PPP1R3D: variants seen among roughly 807,000 people sequenced by gnomAD.
PPP1R3D encodes PP1 subunit R6.
Under a neutral mutation model 16.3 loss-of-function variants are expected in PPP1R3D, and 27 were observed. That is an observed-to-expected ratio of 1.66 (90% CI 1.22 to 2.29). The LOEUF is 2.29. Ranked by LOEUF, PPP1R3D falls within the 30% of genes most tolerant of loss-of-function variation. The pLI is 0.00. For synonymous variants in PPP1R3D, 223 were observed against 209.7 expected, an observed-to-expected ratio of 1.06 and a Z score of -0.55; for missense variants, 472 against 438.3, an observed-to-expected ratio of 1.08 and a Z score of -0.69.
At position 59,939,258 on chromosome 20, in the gene PPP1R3D, C is replaced by T; in HGVS notation, c.674G>A (p.Gly225Glu). Residue 225 changes from glycine (G) to glutamate (E), a missense_variant, in exon 1 of 1, where the codon GGG becomes GAG. Coordinates refer to ENST00000370996, the MANE Select transcript of PPP1R3D (RefSeq NM_006242.4). ...STHEAVARWR[G>E]PAGPEGTEDV... The stretch of plus-strand genomic sequence containing the variant: ...CTCCGTGCCCTCGGGGCCTGCGGGC[C>T]CGCGCCACCGCGCCACCGCCTCGTG... 1 of 1,610,868 alleles carries T rather than the reference C, an allele frequency of 6.2e-7. No homozygotes were observed. Among genetic ancestry groups the T allele is most frequent in the Non-Finnish European group, 8.5e-7 (1 of 1,178,604 alleles).
At position 59,936,867 on chromosome 20, in the gene PPP1R3D, G is replaced by A. The variant is rs1379250467; in HGVS notation, c.*2165C>T. The stretch of plus-strand genomic sequence containing the variant: ...CATATACTTTAATACTTAGGCTTGG[G>A]TAAAATCATTTTAAATAACATATTA... On this transcript the variant is annotated 3_prime_UTR_variant, in exon 1 of 1. Coordinates refer to ENST00000370996, the MANE Select transcript of PPP1R3D (RefSeq NM_006242.4). 1 of 152,330 alleles carries A rather than the reference G, an allele frequency of 6.6e-6. No individual in the cohort carries two copies. The highest frequency in any genetic ancestry group is 2.1e-4 in the South Asian group (1 of 4,836). 9.4% of individuals were successfully genotyped at this position (152,330 alleles called of 1,614,324 possible). A position where few individuals can be genotyped will look rare whatever the true frequency, so the allele number is the denominator to read the frequency against.
Position 59,938,879 on chromosome 20 carries a change from T to C in PPP1R3D, c.*153A>G, listed in dbSNP as rs1010883839. The C allele has an allele frequency of 9.1e-6, 6 of 659,136 alleles. No homozygotes were observed. The African/African-American group carries it at 9.2e-5, about 10-fold the overall frequency. The allele number at this position is 659,136 out of a possible 1,614,324, so 40.8% of individuals were successfully genotyped here. On this transcript the variant is annotated 3_prime_UTR_variant, in exon 1 of 1. Coordinates refer to ENST00000370996, the MANE Select transcript of PPP1R3D (RefSeq NM_006242.4). ...CAGACGTTTCAAGTAGAAGACAGGA[T>C]GGGCCACTGCCAGGGGACCTTGCAG...
rs1413573888 is a variant in PPP1R3D, at chr20:59,939,808, T to C, written c.124A>G (p.Arg42Gly). 6.5e-6 allele frequency: 8 copies of C among 1,233,538 alleles called. No individual in the cohort carries two copies. The highest frequency in any genetic ancestry group is 8.1e-6 in the Non-Finnish European group (8 of 989,322). The allele number at this position is 1,233,538 out of a possible 1,614,324, so 76.4% of individuals were successfully genotyped here. A position where few individuals can be genotyped will look rare whatever the true frequency, so the allele number is the denominator to read the frequency against. Residue 42 changes from arginine (R) to glycine (G), a missense_variant, in exon 1 of 1, where the codon AGG becomes GGG. Transcript: ENST00000370996. ...GCGCGGCCCGGGCTCCCAGGGGGCC[T>C]ACAGGCCCGCGGCTCCAGGGCCACG... ...GGVALEPRACRPPGSPGRAPP... is the reference protein window; with the variant it reads ...GGVALEPRACGPPGSPGRAPP...
Position 59,940,098 on chromosome 20 carries a change from G to C in PPP1R3D, c.-167C>G, listed in dbSNP as rs2060891411. 2.2e-6 allele frequency: 1 copy of C among 461,224 alleles called. No homozygotes were observed. 28.6% of individuals were successfully genotyped at this position (461,224 alleles called of 1,614,324 possible). On this transcript the variant is annotated 5_prime_UTR_variant, in exon 1 of 1. Coordinates refer to ENST00000370996, the MANE Select transcript of PPP1R3D (RefSeq NM_006242.4). ...CCCTTGGTTCGCCACCTTGCTCCTC[G>C]AGTCCTTGTCCAGGTCCTCCGCTTC...
rs1346831508 is a variant in PPP1R3D, at chr20:59,940,078, G to A, written c.-147C>T. The A allele has an allele frequency of 1.8e-6, 1 of 569,942 alleles. No homozygotes were observed. Among genetic ancestry groups the A allele is most frequent in the Non-Finnish European group, 2.7e-6 (1 of 371,386 alleles). 35.3% of individuals were successfully genotyped at this position (569,942 alleles called of 1,614,324 possible). ...CTCGGGCCCGGTGCGCCCTACCCTT[G>A]GTTCGCCACCTTGCTCCTCGAGTCC... On this transcript the variant is annotated 5_prime_UTR_variant, in exon 1 of 1. Transcript: ENST00000370996.
Position 59,936,870 on chromosome 20 carries a change from A to C in PPP1R3D, c.*2162T>G, listed in dbSNP as rs2060865753. 6.6e-6 allele frequency: 1 copy of C among 152,416 alleles called. No individual in the cohort carries two copies. 9.4% of individuals were successfully genotyped at this position (152,416 alleles called of 1,614,324 possible). On this transcript the variant is annotated 3_prime_UTR_variant, in exon 1 of 1. Transcript: ENST00000370996. ...ATACTTTAATACTTAGGCTTGGGTA[A>C]AATCATTTTAAATAACATATTAAAA...
At position 59,940,018 on chromosome 20, in the gene PPP1R3D, G is replaced by T; in HGVS notation, c.-87C>A. 8.8e-7 allele frequency: 1 copy of T among 1,136,828 alleles called. No homozygotes were observed. The highest frequency in any genetic ancestry group is 1.1e-6 in the Non-Finnish European group (1 of 889,682). The allele number at this position is 1,136,828 out of a possible 1,614,324, so 70.4% of individuals were successfully genotyped here. A position where few individuals can be genotyped will look rare whatever the true frequency, so the allele number is the denominator to read the frequency against. On this transcript the variant is annotated 5_prime_UTR_variant, in exon 1 of 1. The change creates a new upstream start codon in the 5' untranslated region. Coordinates refer to ENST00000370996, the MANE Select transcript of PPP1R3D (RefSeq NM_006242.4). ...GCTCCCTCCGTGCTCAGAAGCCGCA[G>T]AGAGTCCACCGTATCTGCAACCTGC...
rs921861681 is a variant in PPP1R3D at position 59,937,831 on chromosome 20, G to T, written c.*1201C>A. 9.2e-5 allele frequency: 14 copies of T among 152,526 alleles called. No homozygotes were observed. In the East Asian group the frequency reaches 1.7e-3, roughly 19 times the overall value. The allele number at this position is 152,526 out of a possible 1,614,324, so 9.4% of individuals were successfully genotyped here. ...TGGTTGACGGTTTAAAAACATAAAAGAATTTTATATTTTAAAACTGACAAA... is the reference window on the plus strand; with the variant it reads ...TGGTTGACGGTTTAAAAACATAAAATAATTTTATATTTTAAAACTGACAAA... On this transcript the variant is annotated 3_prime_UTR_variant, in exon 1 of 1. Transcript: ENST00000370996.
At position 59,938,231 on chromosome 20, in the gene PPP1R3D, C is replaced by T. The variant is rs2060873532; in HGVS notation, c.*801G>A. The stretch of plus-strand genomic sequence containing the variant: ...TTAAACAGAATGGCCTGATAATGAT[C>T]AAACATGTACAGAGAAATACATGAA... On this transcript the variant is annotated 3_prime_UTR_variant, in exon 1 of 1. Coordinates refer to ENST00000370996, the MANE Select transcript of PPP1R3D (RefSeq NM_006242.4). 1 of 152,222 alleles carries T rather than the reference C, an allele frequency of 6.6e-6. No individual in the cohort carries two copies. Among genetic ancestry groups the T allele is most frequent in the Non-Finnish European group, 1.5e-5 (1 of 68,040 alleles). 9.4% of individuals were successfully genotyped at this position (152,222 alleles called of 1,614,324 possible).
rs1009464717 is a variant in PPP1R3D at position 59,940,095 on chromosome 20, C to T, written c.-164G>A. On this transcript the variant is annotated 5_prime_UTR_variant, in exon 1 of 1. Transcript: ENST00000370996. ...CTACCCTTGGTTCGCCACCTTGCTC[C>T]TCGAGTCCTTGTCCAGGTCCTCCGC... 1.9e-5 allele frequency: 9 copies of T among 467,652 alleles called. No individual in the cohort carries two copies. The highest frequency in any genetic ancestry group is 1.2e-4 in the African/African-American group (6 of 49,556). 29.0% of individuals were successfully genotyped at this position (467,652 alleles called of 1,614,324 possible). A position where few individuals can be genotyped will look rare whatever the true frequency, so the allele number is the denominator to read the frequency against.
In PPP1R3D at chr20:59,939,529, G is replaced by A; in HGVS notation, c.403C>T (p.Leu135Phe). 6.2e-7 allele frequency: 1 copy of A among 1,612,006 alleles called. No individual in the cohort carries two copies. Among genetic ancestry groups the A allele is most frequent in the Non-Finnish European group, 8.5e-7 (1 of 1,179,610 alleles). Residue 135 changes from leucine to phenylalanine, a missense_variant, in exon 1 of 1, where the codon CTC (leucine) becomes TTC (phenylalanine). By Grantham distance (22) the Leu-to-Phe change is conservative (BLOSUM62 0). Coordinates refer to ENST00000370996, the MANE Select transcript of PPP1R3D (RefSeq NM_006242.4). ...CAGCACAGGTCCGAGTTGATTGCGA[G>A]CCGCGACAGCACGTGCAGCGGCACG... is the stretch of plus-strand genomic sequence containing the variant. Reference protein sequence around the residue: ...PSVPLHVLSRLAINSDLCCSS... With the variant: ...PSVPLHVLSRFAINSDLCCSS...
rs1316415092 is a variant in PPP1R3D at position 59,937,377 on chromosome 20, T to C, written c.*1655A>G. 1.3e-5 allele frequency: 2 copies of C among 152,654 alleles called. No homozygotes were observed. The highest frequency in any genetic ancestry group is 4.8e-5 in the African/African-American group (2 of 41,458). The allele number at this position is 152,654 out of a possible 1,614,324, so 9.5% of individuals were successfully genotyped here. On this transcript the variant is annotated 3_prime_UTR_variant, in exon 1 of 1. Transcript: ENST00000370996. ...AGTGAACAGTGCTAATAGCCAGAGA[T>C]TGTGCAATTTAGTCACAATATTTCA...
chr20:59,939,755 G>T lies in PPP1R3D; in HGVS notation c.177C>A (p.Gly59=), dbSNP rs1278447264. 8.2e-7 allele frequency: 1 copy of T among 1,224,482 alleles called. No homozygotes were observed. The highest frequency in any genetic ancestry group is 1.0e-6 in the Non-Finnish European group (1 of 983,914). The allele number at this position is 1,224,482 out of a possible 1,614,324, so 75.9% of individuals were successfully genotyped here. Residue 59 remains glycine, a synonymous_variant, in exon 1 of 1, where the codon GGC becomes GGA. Coordinates refer to ENST00000370996, the MANE Select transcript of PPP1R3D (RefSeq NM_006242.4). ...TGATGGGCCGCAGGCGGGGGTCGCA[G>T]CCCGACGGCGCTGGCGTTGGCGGCG... ...RAPPPTPAPS[G]CDPRLRPIIL...
chr20:59,939,015 G>A lies in PPP1R3D; in HGVS notation c.*17C>T, dbSNP rs371149280. 6 of 1,493,102 alleles carry A rather than the reference G, an allele frequency of 4.0e-6. No homozygotes were observed. In the African/African-American group the frequency reaches 4.2e-5, roughly 10 times the overall value. The allele number at this position is 1,493,102 out of a possible 1,614,324, so 92.5% of individuals were successfully genotyped here. On this transcript the variant is annotated 3_prime_UTR_variant, in exon 1 of 1. Coordinates refer to ENST00000370996, the MANE Select transcript of PPP1R3D (RefSeq NM_006242.4). ...AGCTTAGGTGTGGAGGCTCCAGGTG[G>A]CCGGTCCCCGCGCGGCTCAGATGAA...
At position 59,939,585 on chromosome 20, in the gene PPP1R3D, A is replaced by C. The variant is rs1032205816; in HGVS notation, c.347T>G (p.Val116Gly). 23 of 1,607,806 alleles carry C rather than the reference A, an allele frequency of 1.4e-5. No homozygotes were observed. The highest frequency in any genetic ancestry group is 4.0e-5 in the African/African-American group (3 of 74,716). The change falls in exon 1 of 1, where the codon GTC becomes GGC. Residue 116 changes from valine (V) to glycine (G), a missense_variant. Physicochemically the swap from Val to Gly is moderately radical, Grantham distance 109. Coordinates refer to ENST00000370996, the MANE Select transcript of PPP1R3D (RefSeq NM_006242.4). ...ADALGLELAQ[V>G]KVFNAGDDPS... ...GTCGTCTCCCGCGTTGAACACCTTG[A>C]CCTGTGCCAGCTCCAAGCCCAGGGC...
At position 59,940,021 on chromosome 20, in the gene PPP1R3D, A is replaced by G; in HGVS notation, c.-90T>C. On this transcript the variant is annotated 5_prime_UTR_variant, in exon 1 of 1. Transcript: ENST00000370996. The stretch of plus-strand genomic sequence containing the variant: ...CCCTCCGTGCTCAGAAGCCGCAGAG[A>G]GTCCACCGTATCTGCAACCTGCGGG... The G allele has an allele frequency of 2.7e-6, 3 of 1,116,896 alleles. No homozygotes were observed. The highest frequency in any genetic ancestry group is 4.7e-5 in the South Asian group (1 of 21,068). 69.2% of individuals were successfully genotyped at this position (1,116,896 alleles called of 1,614,324 possible).
rs1001709804 is a variant in PPP1R3D, at chr20:59,938,281, T to C, written c.*751A>G. ...AATCAGAATTGTGAATGCAGAGAAATAACTGTTTTGCTAGTTTAAAAGTCT... is the reference window on the plus strand; with the variant it reads ...AATCAGAATTGTGAATGCAGAGAAACAACTGTTTTGCTAGTTTAAAAGTCT... On this transcript the variant is annotated 3_prime_UTR_variant, in exon 1 of 1. Coordinates refer to ENST00000370996, the MANE Select transcript of PPP1R3D (RefSeq NM_006242.4). 1.3e-5 allele frequency: 2 copies of C among 152,230 alleles called. No homozygotes were observed. Among genetic ancestry groups the C allele is most frequent in the African/African-American group, 2.4e-5 (1 of 41,454 alleles). 9.4% of individuals were successfully genotyped at this position (152,230 alleles called of 1,614,324 possible). A position where few individuals can be genotyped will look rare whatever the true frequency, so the allele number is the denominator to read the frequency against.
rs1320447165 is a variant in PPP1R3D at position 59,937,500 on chromosome 20, A to T, written c.*1532T>A. On this transcript the variant is annotated 3_prime_UTR_variant, in exon 1 of 1. Transcript: ENST00000370996. ...CAGAGGTTGCAATGATCAGAACCAA[A>T]CTGGTTAAAAGCCGAAATGCATCCT... 1 of 152,360 alleles carries T rather than the reference A, an allele frequency of 6.6e-6. No individual in the cohort carries two copies. Among genetic ancestry groups the T allele is most frequent in the Admixed American group, 6.5e-5 (1 of 15,290 alleles). 9.4% of individuals were successfully genotyped at this position (152,360 alleles called of 1,614,324 possible). A position where few individuals can be genotyped will look rare whatever the true frequency, so the allele number is the denominator to read the frequency against.
chr20:59,939,441 T>A lies in PPP1R3D; in HGVS notation c.491A>T (p.Glu164Val). 1 of 1,611,568 alleles carries A rather than the reference T, an allele frequency of 6.2e-7. No individual in the cohort carries two copies. The highest frequency in any genetic ancestry group is 8.5e-7 in the Non-Finnish European group (1 of 1,179,566). Residue 164 changes from glutamate (E) to valine (V), a missense_variant, in exon 1 of 1, where the codon GAG (glutamate) becomes GTG (valine). Transcript: ENST00000370996. ...CLVPDFPPPV[E>V]AADFGERLQR... ...CAGGCGCTCGCCAAAGTCGGCGGCC[T>A]CGACGGGCGGCGGGAAATCGGGCAC... is the stretch of plus-strand genomic sequence containing the variant.
Sources: allele counts gnomAD v4.1 joint callset, GRCh38; gene constraint gnomAD v4.1.1; transcripts MANE v1.5; gene names NCBI Gene and HGNC (gene_info 2026-07-23, HGNC 2026-07-21).